HOXB5: variants seen among roughly 807,000 people sequenced by gnomAD.
The protein encoded by HOXB5 is homeobox B5, also known as homeobox protein Hox-B5.
HOXB5 carries 10 observed loss-of-function variants against 19.6 expected under a neutral mutation model. The ratio of observed to expected loss-of-function variants is 0.51; its 90% CI spans 0.32 to 0.87. The LOEUF (loss-of-function observed/expected upper bound fraction) is 0.87. HOXB5 is among the 40% of genes least tolerant of loss of function. The pLI, the probability that HOXB5 is intolerant of heterozygous loss-of-function variation, is 0.04. For missense variants in HOXB5, 353 were observed against 369.6 expected (o/e 0.96, Z 0.37); for synonymous variants, 167 against 156.9 (o/e 1.06, Z -0.48).
chr17:48,592,272 C>G lies in HOXB5; in HGVS notation c.747G>C (p.Trp249Cys). ...KIWFQNRRMK[W>C]KKDNKLKSMS... is the part of the protein sequence containing the mutation. Reference sequence around the variant, plus strand: ...TACTTTTCAATTTGTTGTCCTTCTTCCACTTCATGCGCCGGTTCTGGAACC... The same window carrying G: ...TACTTTTCAATTTGTTGTCCTTCTTGCACTTCATGCGCCGGTTCTGGAACC... Residue 249 changes from tryptophan (W) to cysteine (C), a missense_variant, in exon 2 of 2, where the codon TGG becomes TGC. Physicochemically the swap from Trp to Cys is radical, Grantham distance 215. Coordinates refer to ENST00000239151, the MANE Select transcript of HOXB5 (RefSeq NM_002147.4). 6 of 1,614,038 alleles carry G rather than the reference C, an allele frequency of 3.7e-6. No individual in the cohort carries two copies. Among genetic ancestry groups the G allele is most frequent in the Non-Finnish European group, 4.2e-6 (5 of 1,180,022 alleles).
intron 1 of HOXB5, among the ~76,000 whole-genome samples, chr17:48,592,834 C>A (rs2070184285): frequency 6.6e-6 from 1 of 152,180 alleles, no homozygotes. Context: ...TAAGCAGGAC[C>A]CTTCCCCACA....
At chr17:48,592,780 T>G (rs2070183274) in intron 1 of HOXB5, among the ~76,000 whole-genome samples, 1 of 152,234 alleles carries the variant, frequency 6.6e-6, no homozygotes, top group African/African-American at 2.4e-5. Context: ...CTCCTTTTAC[T>G]GTTCACCCCT....
Position 48,591,950 on chromosome 17 carries a change from T to G in HOXB5, c.*259A>C. ...ACAAACATTCAGAAACACTGGCGGATTTGGGACAAGCAGAAGGGAGTTGGG... is the reference window on the plus strand; with the variant it reads ...ACAAACATTCAGAAACACTGGCGGAGTTGGGACAAGCAGAAGGGAGTTGGG... On this transcript the variant is annotated 3_prime_UTR_variant, in exon 2 of 2. Coordinates refer to ENST00000239151, the MANE Select transcript of HOXB5 (RefSeq NM_002147.4). The G allele has an allele frequency of 4.3e-6, 1 of 234,810 alleles. No homozygotes were observed. 14.5% of individuals were successfully genotyped at this position (234,810 alleles called of 1,614,324 possible).
chr17:48,593,242 G>A lies in HOXB5; in HGVS notation c.441C>T (p.Ser147=). ...SASSEPEEAA[S]QLSSPSLARA... is the part of the protein sequence containing the mutation. The stretch of plus-strand genomic sequence containing the variant: ...GAGCTAGGCTGGGGCTGCTTAGCTG[G>A]CTTGCCGCTTCCTCAGGCTCCGAGG... The change falls in exon 1 of 2, where the codon AGC becomes AGT. Residue 147 remains serine, a synonymous_variant. Coordinates refer to ENST00000239151, the MANE Select transcript of HOXB5 (RefSeq NM_002147.4). The A allele has an allele frequency of 6.2e-7, 1 of 1,613,800 alleles. No homozygotes were observed. The highest frequency in any genetic ancestry group is 1.1e-5 in the South Asian group (1 of 91,064).
rs757733005 is a variant in HOXB5, at chr17:48,593,281, G to C, written c.402C>G (p.Asp134Glu). 6.2e-7 allele frequency: 1 copy of C among 1,613,474 alleles called. No homozygotes were observed. Reference sequence around the variant, plus strand: ...CAGGCTCCGAGGACGCGCTGGCCTCGTCTATTTCGGTGAAATTGGCGCTGG... The same window carrying C: ...CAGGCTCCGAGGACGCGCTGGCCTCCTCTATTTCGGTGAAATTGGCGCTGG... ...ASSSANFTEIDEASASSEPEE... is the reference protein window; with the variant it reads ...ASSSANFTEIEEASASSEPEE... Residue 134 changes from aspartate (D) to glutamate (E), a missense_variant, in exon 1 of 2, where the codon GAC becomes GAG. Physicochemically the swap from Asp to Glu is conservative, Grantham distance 45 (BLOSUM62 2). Transcript: ENST00000239151.
At chr17:48,593,074 A>AC in intron 1 of HOXB5, 47 bp downstream of exon 1, 7 of 1,103,588 alleles carry the variant, frequency 6.3e-6, no homozygotes, top group East Asian at 5.1e-5. Context: ...CCACCCCAAA[A>AC]CGCAGAGAAG....
At position 48,591,880 on chromosome 17, in the gene HOXB5, AT is replaced by A. The variant is rs1311985368; in HGVS notation, c.*328del. The A allele has an allele frequency of 4.1e-5, 7 of 170,576 alleles. No individual in the cohort carries two copies. The highest frequency in any genetic ancestry group is 8.6e-5 in the Non-Finnish European group (7 of 81,476). The allele number at this position is 170,576 out of a possible 1,614,324, so 10.6% of individuals were successfully genotyped here. Reference sequence around the variant, plus strand: ...GGGAGAGTTCACATTAAACATGCGAATTTCTTTTTTTTTTTTTCCTGGGGGA... The same window carrying A: ...GGGAGAGTTCACATTAAACATGCGAATTCTTTTTTTTTTTTTCCTGGGGGA... On this transcript the variant is annotated 3_prime_UTR_variant, in exon 2 of 2. Transcript: ENST00000239151.
intron 1 of HOXB5, 95 bp from the exon 2 acceptor site, chr17:48,592,551 C>G (rs1377735264): frequency 1.5e-6 from 2 of 1,313,684 alleles, no homozygotes; most frequent in Non-Finnish European, 2.1e-6. Flanking sequence ...ACCCAGGCGT[C>G]CCGGCACCCA....
rs2144932127 is a variant in HOXB5, at chr17:48,591,660, C to G, written c.*549G>C. On this transcript the variant is annotated 3_prime_UTR_variant, in exon 2 of 2. Coordinates refer to ENST00000239151, the MANE Select transcript of HOXB5 (RefSeq NM_002147.4). ...CCCTTCCCACCCTAGGACCAAGCCC[C>G]TAGGAGACTTGGGCCTAGGGAGTGA... 1 of 153,104 alleles carries G rather than the reference C, an allele frequency of 6.5e-6. No individual in the cohort carries two copies. The highest frequency in any genetic ancestry group is 3.4e-3 in the Middle Eastern group (1 of 294). The allele number at this position is 153,104 out of a possible 1,614,324, so 9.5% of individuals were successfully genotyped here. A position where few individuals can be genotyped will look rare whatever the true frequency, so the allele number is the denominator to read the frequency against.
intron 1 of HOXB5, 116 bp from the exon 2 acceptor site, chr17:48,592,572 G>C: frequency 9.4e-7 from 1 of 1,059,844 alleles, no homozygotes; most frequent in Non-Finnish European, 1.3e-6. Context: ...GCTCACCACA[G>C]CTCCAATCCT....
At chr17:48,593,022 C>G in intron 1 of HOXB5, 99 bp downstream of exon 1, 1 of 900,054 alleles carries the variant, frequency 1.1e-6, no homozygotes, top group Non-Finnish European at 1.6e-6. Flanking sequence ...AAAAATGAAT[C>G]TATATTTAGG....
intron 1 of HOXB5, 58 bp downstream of exon 1, chr17:48,593,063 C>CCCCCCCAAA: frequency 8.6e-6 from 4 of 466,138 alleles, no homozygotes; most frequent in East Asian, 4.9e-5. Context: ...TCCCCCCGAT[C>CCCCCCCAAA]CCACCCCAAA....
rs1004965206 is a variant in HOXB5, at chr17:48,591,715, C to T, written c.*494G>A. 3.3e-5 allele frequency: 5 copies of T among 153,150 alleles called. No homozygotes were observed. Among genetic ancestry groups the T allele is most frequent in the African/African-American group, 9.7e-5 (4 of 41,364 alleles). The allele number at this position is 153,150 out of a possible 1,614,324, so 9.5% of individuals were successfully genotyped here. A position where few individuals can be genotyped will look rare whatever the true frequency, so the allele number is the denominator to read the frequency against. ...GGAGGAGGAGGAGAATGAAAAGGGA[C>T]TCCATCTCCGAAGCCAGCTCAGCTT... is the stretch of plus-strand genomic sequence containing the variant. On this transcript the variant is annotated 3_prime_UTR_variant, in exon 2 of 2. Coordinates refer to ENST00000239151, the MANE Select transcript of HOXB5 (RefSeq NM_002147.4).
rs762267194 is a variant in HOXB5 at position 48,593,385 on chromosome 17, G to T, written c.298C>A (p.Leu100Met). 2.1e-5 allele frequency: 34 copies of T among 1,602,890 alleles called. No individual in the cohort carries two copies. Among genetic ancestry groups the T allele is most frequent in the Non-Finnish European group, 5.1e-6 (6 of 1,172,992 alleles). Residue 100 changes from leucine to methionine, a missense_variant, in exon 1 of 2, where the codon CTG becomes ATG. By Grantham distance (15) the Leu-to-Met change is conservative. Coordinates refer to ENST00000239151, the MANE Select transcript of HOXB5 (RefSeq NM_002147.4). The part of the protein sequence containing the change: ...SSCSLSSPES[L>M]PCTNGDSHGA... ...TGGCTGTCGCCGTTGGTGCAGGGCA[G>T]GGACTCGGGCGAGGACAGGGAGCAG... is the stretch of plus-strand genomic sequence containing the variant.
Position 48,593,761 on chromosome 17 carries a change from A to G in HOXB5, c.-79T>C. ...CTTCACGATTTATGATGTATTAATG[A>G]ATTATAGCGATGCACTGTACTTCGT... is the stretch of plus-strand genomic sequence containing the variant. On this transcript the variant is annotated 5_prime_UTR_variant, in exon 1 of 2. Transcript: ENST00000239151. 9.4e-7 allele frequency: 1 copy of G among 1,059,758 alleles called. No individual in the cohort carries two copies. Among genetic ancestry groups the G allele is most frequent in the Non-Finnish European group, 1.3e-6 (1 of 771,022 alleles). The allele number at this position is 1,059,758 out of a possible 1,614,324, so 65.6% of individuals were successfully genotyped here.
At chr17:48,593,099 C>CA (rs1567969814) in intron 1 of HOXB5, 22 bp downstream of exon 1, 3 of 1,149,130 alleles carry the variant, frequency 2.6e-6, no homozygotes, top group African/African-American at 1.6e-5. Flanking sequence ...GCCGAGAAGA[C>CA]AAAAAAGAGA....
rs899139184 is a variant in HOXB5 at position 48,592,082 on chromosome 17, G to A, written c.*127C>T. ...AAGACCTAAGACCAAACGAAATATCGTAACACAAGGCGAGGCAGGCTTGTG... is the reference window on the plus strand; with the variant it reads ...AAGACCTAAGACCAAACGAAATATCATAACACAAGGCGAGGCAGGCTTGTG... On this transcript the variant is annotated 3_prime_UTR_variant, in exon 2 of 2. Transcript: ENST00000239151. 3.7e-6 allele frequency: 4 copies of A among 1,080,462 alleles called. No homozygotes were observed. Among genetic ancestry groups the A allele is most frequent in the Non-Finnish European group, 5.3e-6 (4 of 760,442 alleles). 66.9% of individuals were successfully genotyped at this position (1,080,462 alleles called of 1,614,324 possible). A position where few individuals can be genotyped will look rare whatever the true frequency, so the allele number is the denominator to read the frequency against.
chr17:48,592,494 T>C, intron 1 of HOXB5, 38 bp from the exon 2 acceptor site: 1 of 654,024 alleles, frequency 1.5e-6, no homozygotes, highest in Non-Finnish European at 2.3e-6. Context: ...GCAACATTAT[T>C]CCGGTTAAGG....
rs542719381 is a variant in HOXB5, at chr17:48,593,544, A to G, written c.139T>C (p.Tyr47His). The part of the protein sequence containing the change: ...PAAMHTGSYG[Y>H]NYNGMDLSVN... ...CTGAGGTCCATCCCATTGTAATTGT[A>G]GCCGTAAGAGCCGGTGTGCATGGCA... is the stretch of plus-strand genomic sequence containing the variant. Residue 47 changes from tyrosine (Y) to histidine (H), a missense_variant, in exon 1 of 2, where the codon TAC becomes CAC. By Grantham distance (83) the Tyr-to-His change is moderately conservative (BLOSUM62 2). Transcript: ENST00000239151. 2.3e-5 allele frequency: 37 copies of G among 1,613,226 alleles called. No individual in the cohort carries two copies. The East Asian group carries it at 6.5e-4, about 28-fold the overall frequency.
Sources: allele counts gnomAD v4.1 joint callset (sites outside exome capture counted in the v4.1 genomes callset), GRCh38; gene constraint gnomAD v4.1.1; transcripts MANE v1.5; gene names NCBI Gene and HGNC (gene_info 2026-07-23, HGNC 2026-07-21).